The following BCS1L variants were observed in gnomAD, a reference collection of about 807,000 sequenced individuals.
BCS1L encodes the protein mitochondrial chaperone BCS1.
BCS1L carries 38 observed loss-of-function variants against 49.3 expected under a neutral mutation model. The ratio of observed to expected loss-of-function variants is 0.77; its 90% CI spans 0.59 to 1.01. The LOEUF (loss-of-function observed/expected upper bound fraction) is 1.01, where lower values mean the gene tolerates loss of function less well. Ranked by LOEUF, BCS1L falls within the 50% of genes least tolerant of loss-of-function variation. The pLI is 0.00. For synonymous variants in BCS1L, 193 were observed against 210.1 expected, an observed-to-expected ratio of 0.92 and a Z score of 0.70; for missense variants, 394 against 540.2, an observed-to-expected ratio of 0.73 and a Z score of 2.68.
chr2:218,661,596 A>T lies in BCS1L; in HGVS notation c.460+51A>T. On this transcript the variant is annotated intron_variant, in intron 3 of 7. Transcript: ENST00000359273. This position sits in a 1 kb window ranked among gnomAD's most constrained non-coding sequence, Gnocchi z 5.9. ...CTAGGGACATTGCAGGGATGGGGAC[A>T]TTTGACATCAGATGAGCAGTTTGGA... 1 of 1,610,210 alleles carries T rather than the reference A, an allele frequency of 6.2e-7. No individual in the cohort carries two copies. Among genetic ancestry groups the T allele is most frequent in the Middle Eastern group, 1.7e-4 (1 of 5,862 alleles).
Position 218,661,887 on chromosome 2 carries a change from C to G in BCS1L, c.589C>G (p.Leu197Val). 1.9e-6 allele frequency: 3 copies of G among 1,614,218 alleles called. No individual in the cohort carries two copies. The highest frequency in any genetic ancestry group is 1.7e-6 in the Non-Finnish European group (2 of 1,180,036). The change falls in exon 4 of 8, where the codon CTG becomes GTG. Residue 197 changes from leucine (L) to valine (V), a missense_variant. Leu to Val is a conservative substitution (Grantham distance 32). Coordinates refer to ENST00000359273, the MANE Select transcript of BCS1L (RefSeq NM_001079866.2). The surrounding 1 kb of genome is among the most constrained non-coding windows in gnomAD (Gnocchi z 5.9). ...GAATTCTGTGGTTCTACAACAGGGT[C>G]TGGCTGACCGAATTGTCAGAGACGT... The part of the protein sequence containing the change: ...PLNSVVLQQG[L>V]ADRIVRDVQE...
rs36085075 is a variant in BCS1L, at chr2:218,662,016, C to T, written c.655+63C>T. 62,033 of 1,567,452 alleles carry T rather than the reference C, an allele frequency of 0.04. 1,606 individuals carry two copies. The highest frequency in any genetic ancestry group is 0.11 in the East Asian group (5,056 of 44,552). Reference sequence around the variant, plus strand: ...ACATTTTTAGAAGGGACAGGTTGGTCTCCAGCCAGATGGGGTGATATAAAG... The same window carrying T: ...ACATTTTTAGAAGGGACAGGTTGGTTTCCAGCCAGATGGGGTGATATAAAG... On this transcript the variant is annotated intron_variant, in intron 4 of 7. Transcript: ENST00000359273. This position sits in a 1 kb window ranked among gnomAD's most constrained non-coding sequence, Gnocchi z 5.8.
Position 218,662,194 on chromosome 2 carries a change from T to G in BCS1L, c.656-3T>G. On this transcript the variant is annotated splice_region_variant and splice_polypyrimidine_tract_variant and intron_variant, in intron 4 of 7. Coordinates refer to ENST00000359273, the MANE Select transcript of BCS1L (RefSeq NM_001079866.2). The surrounding 1 kb of genome is among the most constrained non-coding windows in gnomAD (Gnocchi z 5.8). ...GACATGATCATCCTGGCTCTATCCC[T>G]AGGCATTCCTTACAGACGTGGCTAC... 9 of 1,613,852 alleles carry G rather than the reference T, an allele frequency of 5.6e-6. No individual in the cohort carries two copies. Among genetic ancestry groups the G allele is most frequent in the Non-Finnish European group, 5.9e-6 (7 of 1,179,750 alleles).
In BCS1L at chr2:218,662,203, C is replaced by G. The variant is rs766164635; in HGVS notation, c.662C>G (p.Pro221Arg). The G allele has an allele frequency of 6.2e-7, 1 of 1,613,980 alleles. No individual in the cohort carries two copies. The highest frequency in any genetic ancestry group is 8.5e-7 in the Non-Finnish European group (1 of 1,179,866). Residue 221 changes from proline (P) to arginine (R), a missense_variant, in exon 5 of 8, where the codon CCT becomes CGT. By Grantham distance (103) the Pro-to-Arg change is moderately radical. Coordinates refer to ENST00000359273, the MANE Select transcript of BCS1L (RefSeq NM_001079866.2). This position sits in a 1 kb window ranked among gnomAD's most constrained non-coding sequence, Gnocchi z 5.8. ...ATCCTGGCTCTATCCCTAGGCATTC[C>G]TTACAGACGTGGCTACCTGCTTTAT... is the stretch of plus-strand genomic sequence containing the variant. The part of the protein sequence containing the change: ...NPKWYTDRGI[P>R]YRRGYLLYGP...
chr2:218,663,281 T>A lies in BCS1L; in HGVS notation c.1155T>A (p.Leu385=). The part of the protein sequence containing the change: ...SLAENFAEHV[L]RATNQISPAQ... ...CTGAGAACTTTGCAGAACATGTCCT[T>A]CGAGCTACAAACCAGATCAGTCCTG... Residue 385 remains leucine (L), a synonymous_variant, in exon 8 of 8, where the codon CTT becomes CTA. Coordinates refer to ENST00000359273, the MANE Select transcript of BCS1L (RefSeq NM_001079866.2). The A allele has an allele frequency of 6.2e-7, 1 of 1,614,196 alleles. No individual in the cohort carries two copies. The highest frequency in any genetic ancestry group is 2.2e-5 in the East Asian group (1 of 44,888).
Position 218,662,181 on chromosome 2 carries a change from C to T in BCS1L, c.656-16C>T. ...ATCCGGGGCAAAAGACATGATCATC[C>T]TGGCTCTATCCCTAGGCATTCCTTA... is the stretch of plus-strand genomic sequence containing the variant. On this transcript the variant is annotated splice_polypyrimidine_tract_variant and intron_variant, in intron 4 of 7. Transcript: ENST00000359273. The surrounding 1 kb of genome is among the most constrained non-coding windows in gnomAD (Gnocchi z 5.8). 2 of 1,613,166 alleles carry T rather than the reference C, an allele frequency of 1.2e-6. No individual in the cohort carries two copies. Among genetic ancestry groups the T allele is most frequent in the Non-Finnish European group, 1.7e-6 (2 of 1,179,150 alleles).
In BCS1L at chr2:218,659,966, C is replaced by T. The variant is rs1372555468; in HGVS notation, c.-50+223C>T. The T allele has an allele frequency of 6.6e-6, 1 of 152,272 alleles. No individual in the cohort carries two copies. Among genetic ancestry groups the T allele is most frequent in the Non-Finnish European group, 1.5e-5 (1 of 68,138 alleles). The allele number at this position is 152,272 out of a possible 1,614,324, so 9.4% of individuals were successfully genotyped here. A position where few individuals can be genotyped will look rare whatever the true frequency, so the allele number is the denominator to read the frequency against. On this transcript the variant is annotated intron_variant, in intron 1 of 7. Transcript: ENST00000359273. This position sits in a 1 kb window ranked among gnomAD's most constrained non-coding sequence, Gnocchi z 4.4. ...AGCTCACCTCCCTGCATGCCAGGCG[C>T]AGGGCAAAGTGGCCGGGGTTCGGGG...
chr2:218,662,619 A>G lies in BCS1L; in HGVS notation c.829A>G (p.Ser277Gly). The change falls in exon 6 of 8, where the codon AGC (serine) becomes GGC (glycine). Residue 277 changes from serine (S) to glycine (G), a missense_variant. Physicochemically the swap from Ser to Gly is moderately conservative, Grantham distance 56. Coordinates refer to ENST00000359273, the MANE Select transcript of BCS1L (RefSeq NM_001079866.2). This position sits in a 1 kb window ranked among gnomAD's most constrained non-coding sequence, Gnocchi z 5.8. ...NHLLSVAPQQ[S>G]LVLLEDVDAA... ...CCTGCTGAGCGTGGCCCCGCAGCAG[A>G]GCCTGGTACTCCTGGAGGATGTGGA... is the stretch of plus-strand genomic sequence containing the variant. The G allele has an allele frequency of 6.2e-7, 1 of 1,614,186 alleles. No individual in the cohort carries two copies. Among genetic ancestry groups the G allele is most frequent in the African/African-American group, 1.3e-5 (1 of 75,052 alleles).
rs1939309654 is a variant in BCS1L at position 218,660,922 on chromosome 2, C to G, written c.-49-17C>G. The G allele has an allele frequency of 6.4e-7, 1 of 1,569,154 alleles. No homozygotes were observed. The highest frequency in any genetic ancestry group is 1.3e-5 in the African/African-American group (1 of 74,116). ...TAATCTGTGCTTTGTCCCATCTCCA[C>G]TGTTCCCCACCCCTAGGTTTTCGTA... On this transcript the variant is annotated splice_polypyrimidine_tract_variant and intron_variant, in intron 1 of 7. Transcript: ENST00000359273.
intron 7 of BCS1L, 27 bp from the exon 8 acceptor site, chr2:218,663,107 T>TGACC (rs767723013): frequency 6.2e-7 from 1 of 1,614,202 alleles, no homozygotes; most frequent in Non-Finnish European, 8.5e-7. Flanking sequence ...GGTGCTAGTG[T>TGACC]GACCTGCTTT....
rs775388576 is a variant in BCS1L at position 218,662,236 on chromosome 2, CT to C, written c.696del (p.Gly233ValfsTer22). 8 of 1,613,968 alleles carry C rather than the reference CT, an allele frequency of 5.0e-6. No individual in the cohort carries two copies. The Admixed American group carries it at 1.0e-4, about 20-fold the overall frequency. On this transcript the variant is annotated frameshift_variant, in exon 5 of 8. Coordinates refer to ENST00000359273, the MANE Select transcript of BCS1L (RefSeq NM_001079866.2). LOFTEE classifies it high-confidence loss of function. The surrounding 1 kb of genome is among the most constrained non-coding windows in gnomAD (Gnocchi z 5.8). ...YRRGYLLYGP[P>X]GCGKSSFITA... ...CGTGGCTACCTGCTTTATGGGCCCC[CT>C]GGTTGCGGAAAGAGCAGTTTTATGT...
At position 218,661,468 on chromosome 2, in the gene BCS1L, CG is replaced by C; in HGVS notation, c.387del (p.Thr130LeufsTer28). 6.2e-7 allele frequency: 1 copy of C among 1,614,154 alleles called. No individual in the cohort carries two copies. The highest frequency in any genetic ancestry group is 8.5e-7 in the Non-Finnish European group (1 of 1,180,038). On this transcript the variant is annotated frameshift_variant, in exon 3 of 8. Transcript: ENST00000359273. LOFTEE classifies it high-confidence loss of function. This position sits in a 1 kb window ranked among gnomAD's most constrained non-coding sequence, Gnocchi z 5.9. ...SREMQMIDLQ[T>X]GTPWESVTFT... Reference sequence around the variant, plus strand: ...GAGATGCAGATGATAGACTTGCAGACGGGGACTCCTTGGGAATCTGTCACCT... The same window carrying C: ...GAGATGCAGATGATAGACTTGCAGACGGGACTCCTTGGGAATCTGTCACCT...
At position 218,661,248 on chromosome 2, in the gene BCS1L, G is replaced by C; in HGVS notation, c.261G>C (p.Glu87Asp). 5.6e-6 allele frequency: 9 copies of C among 1,614,250 alleles called. No homozygotes were observed. The highest frequency in any genetic ancestry group is 7.6e-6 in the Non-Finnish European group (9 of 1,180,058). ...LSVETSYLQHESGRISTKFEF... is the reference protein window; with the variant it reads ...LSVETSYLQHDSGRISTKFEF... The stretch of plus-strand genomic sequence containing the variant: ...TCGAGACTTCGTACCTTCAGCATGA[G>C]AGTGGCCGCATTTCCACTAAGTTTG... The change falls in exon 2 of 8, where the codon GAG becomes GAC. Residue 87 changes from glutamate (E) to aspartate (D), a missense_variant. Physicochemically the swap from Glu to Asp is conservative, Grantham distance 45 (BLOSUM62 2). Coordinates refer to ENST00000359273, the MANE Select transcript of BCS1L (RefSeq NM_001079866.2). This position sits in a 1 kb window ranked among gnomAD's most constrained non-coding sequence, Gnocchi z 5.9.
At chr2:218,659,105 G>C (rs1410540614), upstream of BCS1L, 1 of 152,320 alleles carries the variant, frequency 6.6e-6, no homozygotes, top group Non-Finnish European at 1.5e-5. This position sits in a 1 kb window ranked among gnomAD's most constrained non-coding sequence, Gnocchi z 4.4. Flanking sequence ...CCAGCGAACT[G>C]GAAAGGCGGT....
In BCS1L at chr2:218,662,325, G is replaced by C; in HGVS notation, c.719+65G>C. 2 of 1,536,860 alleles carry C rather than the reference G, an allele frequency of 1.3e-6. No individual in the cohort carries two copies. Among genetic ancestry groups the C allele is most frequent in the East Asian group, 4.5e-5 (2 of 44,532 alleles). The stretch of plus-strand genomic sequence containing the variant: ...CCTTTGTGGAAACACTAGGCTGATA[G>C]GGTTGGAAGGGGAAATGAATCTGGG... On this transcript the variant is annotated intron_variant, in intron 5 of 7. Transcript: ENST00000359273. This position sits in a 1 kb window ranked among gnomAD's most constrained non-coding sequence, Gnocchi z 5.8.
Position 218,662,502 on chromosome 2 carries a change from C to G in BCS1L, c.720-8C>G. On this transcript the variant is annotated splice_polypyrimidine_tract_variant and splice_region_variant and intron_variant, in intron 5 of 7. Coordinates refer to ENST00000359273, the MANE Select transcript of BCS1L (RefSeq NM_001079866.2). The surrounding 1 kb of genome is among the most constrained non-coding windows in gnomAD (Gnocchi z 5.8). ...GCCTGCTACCTCCTGCCATCCCATG[C>G]TCCATAGCACAGCCCTGGCTGGGGA... is the stretch of plus-strand genomic sequence containing the variant. 1 of 1,613,628 alleles carries G rather than the reference C, an allele frequency of 6.2e-7. No homozygotes were observed. Among genetic ancestry groups the G allele is most frequent in the Non-Finnish European group, 8.5e-7 (1 of 1,180,016 alleles).
chr2:218,662,735 A>G lies in BCS1L; in HGVS notation c.889+56A>G. The stretch of plus-strand genomic sequence containing the variant: ...GGGTAACTGTGGAACAGGGGAAGAA[A>G]GCAGAAATCCAGAGGGCTGGTGGAA... On this transcript the variant is annotated intron_variant, in intron 6 of 7. Coordinates refer to ENST00000359273, the MANE Select transcript of BCS1L (RefSeq NM_001079866.2). The surrounding 1 kb of genome is among the most constrained non-coding windows in gnomAD (Gnocchi z 5.8). 1.9e-6 allele frequency: 3 copies of G among 1,613,114 alleles called. No individual in the cohort carries two copies. The Admixed American group carries it at 5.0e-5, about 27-fold the overall frequency.
In BCS1L at chr2:218,663,162, C is replaced by T. The variant is rs550497120; in HGVS notation, c.1036C>T (p.Arg346Ter). Residue 346 changes from arginine to a stop codon, truncating the protein, a stop_gained, in exon 8 of 8, where the codon CGA (arginine) becomes TGA (stop). Transcript: ENST00000359273. LOFTEE classifies it high-confidence loss of function. ...GGACCCTGCCCTGATACGCCCGGGG[C>T]GAGTGGACCTGAAGGAGTACGTGGG... ...RLDPALIRPG[R>*]VDLKEYVGYC... The T allele has an allele frequency of 5.0e-6, 8 of 1,614,160 alleles. No homozygotes were observed. Among genetic ancestry groups the T allele is most frequent in the South Asian group, 4.4e-5 (4 of 91,086 alleles).
upstream of BCS1L, chr2:218,658,866 G>C (rs557264933): frequency 6.6e-6 from 1 of 152,286 alleles, no homozygotes; most frequent in Non-Finnish European, 1.5e-5. Flanking sequence ...CTTATCTTCC[G>C]GGCAGGAGGG....
Sources: allele counts gnomAD v4.1 joint callset, GRCh38; gene constraint gnomAD v4.1.1; non-coding constraint Gnocchi (gnomAD v3.1); transcripts MANE v1.5; gene names NCBI Gene and HGNC (gene_info 2026-07-23, HGNC 2026-07-21).